UBR3: variants seen among roughly 807,000 people sequenced by gnomAD.
The protein encoded by UBR3 is E3 ubiquitin-protein ligase UBR3.
Under a neutral mutation model 243.2 loss-of-function variants are expected in UBR3, and 85 were observed. The ratio of observed to expected loss-of-function variants is 0.35; its 90% CI spans 0.29 to 0.42. The LOEUF (loss-of-function observed/expected upper bound fraction) is 0.42. Among genes scored for constraint, UBR3 ranks in the 10% least tolerant of loss-of-function variants. The probability of loss-of-function intolerance (pLI) is 1.00; values close to 1 mark genes in which losing one functional copy is unlikely to be tolerated. For missense variants in UBR3, 1,686 were observed against 2,300.8 expected (o/e 0.73, Z 5.47); for synonymous variants, 748 against 799.8 (o/e 0.94, Z 1.09).
At chr2:169,837,343 G>T (rs988098828) in intron 1 of UBR3, among the ~76,000 whole-genome samples, 18 of 152,208 alleles carry the variant, frequency 1.2e-4, no homozygotes, top group African/African-American at 4.3e-4. Context: ...GGGTGTGGTG[G>T]CGTGTGGCTG....
chr2:169,946,435 C>T (rs990582702), intron 21 of UBR3, 43 bp downstream of exon 21: 1 of 1,134,990 alleles, frequency 8.8e-7, no homozygotes, highest in Admixed American at 2.7e-5. Context: ...TAGGCAGCCC[C>T]TATCTGGCTC....
At chr2:169,965,155 C>G (rs896087261) in intron 24 of UBR3, among the ~76,000 whole-genome samples, 1 of 152,174 alleles carries the variant, frequency 6.6e-6, no homozygotes, top group Non-Finnish European at 1.5e-5. Flanking sequence ...CTTGCAAAGT[C>G]ACATGTTGTT....
intron 18 of UBR3, among the ~76,000 whole-genome samples, chr2:169,932,112 C>T (rs1484168484): frequency 1.3e-5 from 2 of 150,224 alleles, no homozygotes; most frequent in Non-Finnish European, 3.0e-5. Context: ...GAGTCTCACT[C>T]TGTTGCCCAG....
intron 8 of UBR3, among the ~76,000 whole-genome samples, chr2:169,899,495 GT>G (rs902437615): frequency 1.3e-5 from 2 of 151,514 alleles, no homozygotes; most frequent in Non-Finnish European, 2.9e-5. Context: ...CAAAAATGGT[GT>G]TTTTTTTAAA....
intron 1 of UBR3, among the ~76,000 whole-genome samples, chr2:169,856,166 G>A (rs1403201139): frequency 2.0e-5 from 3 of 151,312 alleles, no homozygotes; most frequent in African/African-American, 7.3e-5. Flanking sequence ...GGTGGCGGCG[G>A]GGCAGAGACA....
chr2:170,008,730 A>G (rs2089996170), intron 28 of UBR3, 74 bp from the exon 29 acceptor site: 1 of 742,876 alleles, frequency 1.3e-6, no homozygotes, highest in Non-Finnish European at 2.1e-6. Flanking sequence ...TTCATATAAT[A>G]AACATTCTAG....
intron 31 of UBR3, among the ~76,000 whole-genome samples, chr2:170,039,040 A>G (rs1188870431): frequency 1.3e-5 from 2 of 152,170 alleles, no homozygotes; most frequent in South Asian, 2.1e-4. Context: ...ATAGCTGGCA[A>G]TTGAAATCAT....
chr2:169,843,922 A>T (rs1171856446), intron 1 of UBR3, among the ~76,000 whole-genome samples: 1 of 151,980 alleles, frequency 6.6e-6, no homozygotes, highest in Non-Finnish European at 1.5e-5. Context: ...CTAGGTTTGG[A>T]ATATTTGTTG....
At chr2:170,066,512 G>GCCCC (rs76439643) in intron 35 of UBR3, among the ~76,000 whole-genome samples, 15 of 151,786 alleles carry the variant, frequency 9.9e-5, no homozygotes, top group Admixed American at 8.5e-4. Flanking sequence ...TGATTATCTA[G>GCCCC]CCCCCCCACC....
intron 32 of UBR3, among the ~76,000 whole-genome samples, chr2:170,052,742 A>G (rs964033708): frequency 3.9e-5 from 6 of 152,200 alleles, no homozygotes; most frequent in African/African-American, 7.2e-5. Context: ...TATAAGATGA[A>G]TAAGTTCTGG....
At chr2:169,836,057 ATATATATATATTTT>A (rs2082093860) in intron 1 of UBR3, among the ~76,000 whole-genome samples, 3 of 41,850 alleles carry the variant, frequency 7.2e-5, no homozygotes, top group Non-Finnish European at 1.5e-4. Flanking sequence ...ATATATATAT[ATATATATATATTTT>A]TTTTTTTTTT....
chr2:169,846,029 A>T (rs1057058008), intron 1 of UBR3, among the ~76,000 whole-genome samples: 1 of 149,268 alleles, frequency 6.7e-6, no homozygotes, highest in African/African-American at 2.5e-5. Flanking sequence ...AGCGCTTATT[A>T]TTCTGTTGTG....
intron 9 of UBR3, among the ~76,000 whole-genome samples, chr2:169,905,567 G>C (rs1369107418): frequency 1.3e-5 from 2 of 152,112 alleles, no homozygotes; most frequent in African/African-American, 4.8e-5. Flanking sequence ...TAGAGACAGG[G>C]TCTCACTATG....
intron 1 of UBR3, among the ~76,000 whole-genome samples, chr2:169,848,838 G>A (rs1373549758): frequency 6.6e-6 from 1 of 151,904 alleles, no homozygotes; most frequent in African/African-American, 2.4e-5. Context: ...GAGTAGCTGG[G>A]ATTACAGGCG....
At chr2:169,913,075 G>T (rs2085316540) in intron 10 of UBR3, among the ~76,000 whole-genome samples, 1 of 152,150 alleles carries the variant, frequency 6.6e-6, no homozygotes, top group Non-Finnish European at 1.5e-5. Context: ...GAGCCACTGT[G>T]CCCAGCTGCA....
chr2:170,023,018 T>A (rs1039880815), intron 30 of UBR3, among the ~76,000 whole-genome samples: 1 of 152,220 alleles, frequency 6.6e-6, no homozygotes, highest in Admixed American at 6.5e-5. Flanking sequence ...CTCACACCTA[T>A]TACATTCACC....
intron 24 of UBR3, among the ~76,000 whole-genome samples, chr2:169,966,360 T>C (rs1397608535): frequency 6.6e-6 from 1 of 152,190 alleles, no homozygotes; most frequent in Non-Finnish European, 1.5e-5. Flanking sequence ...CTTTCTGTTA[T>C]TAAACATATT....
chr2:170,041,288 A>T (rs1241078646), intron 32 of UBR3, among the ~76,000 whole-genome samples: 2 of 152,240 alleles, frequency 1.3e-5, no homozygotes, highest in Non-Finnish European at 2.9e-5. Context: ...GTATCTAAAA[A>T]ATGACAATGA....
chr2:169,975,056 G>A (rs934026105), intron 24 of UBR3, among the ~76,000 whole-genome samples: 2 of 152,058 alleles, frequency 1.3e-5, no homozygotes, highest in African/African-American at 4.8e-5. Context: ...CTGTAGTACA[G>A]CTACTTGAGA....
Sources: allele counts gnomAD v4.1 joint callset (sites outside exome capture counted in the v4.1 genomes callset), GRCh38; gene constraint gnomAD v4.1.1; transcripts MANE v1.5; gene names NCBI Gene and HGNC (gene_info 2026-07-23, HGNC 2026-07-21).